Variants in ADAMTS12 observed in about 807,000 individuals in gnomAD.
ADAMTS12 encodes ADAM metallopeptidase with thrombospondin type 1 motif 12.
A neutral mutation model predicts 167.8 loss-of-function variants in ADAMTS12; 118 were observed. The observed-to-expected ratio is 0.70, with a 90% CI of 0.61 to 0.82. The LOEUF is 0.82. Among genes scored for constraint, ADAMTS12 ranks in the 40% least tolerant of loss-of-function variants. The pLI is 0.00. For synonymous variants in ADAMTS12, 704 were observed against 716.9 expected (o/e 0.98, Z 0.29); for missense variants, 1,916 against 1,998.8 (o/e 0.96, Z 0.79).
rs138812236 is a variant in ADAMTS12, at chr5:33,776,859, C to T, written c.490-25311G>A. 6.0e-3 allele frequency among the ~76,000 whole-genome samples: 914 copies of T among 151,856 alleles called. 8 individuals carry two copies. Among genetic ancestry groups the T allele is most frequent in the African/African-American group, 0.021 (882 of 41,436 alleles). On this transcript the variant is annotated intron_variant, in intron 2 of 23. Coordinates refer to ENST00000504830, the MANE Select transcript of ADAMTS12 (RefSeq NM_030955.4). ...AAAGAGGAGCCATTTCAGTTGATAC[C>T]ACATAAAACAAAGGGTCATAACAGA...
At position 33,576,193 on chromosome 5, in the gene ADAMTS12, G is replaced by C. The variant is rs763382391; in HGVS notation, c.3833C>G (p.Thr1278Arg). Residue 1278 changes from threonine to arginine, a missense_variant, in exon 19 of 24, where the codon ACA (threonine) becomes AGA (arginine). Transcript: ENST00000504830. ...AGTCAGGACTGGTTCAGAACTTTTT[G>C]TTTGGTTCATGTTGTTTGGAAGTTT... ...HLKLPNNMNQ[T>R]KSSEPVLTEE... 10 of 1,614,040 alleles carry C rather than the reference G, an allele frequency of 6.2e-6. No individual in the cohort carries two copies.
At chr5:33,570,688 C>T (rs1347404470) in intron 19 of ADAMTS12, among the ~76,000 whole-genome samples, 2 of 151,854 alleles carry the variant, frequency 1.3e-5, no homozygotes, top group African/African-American at 2.4e-5. Context: ...ACTGCATCAA[C>T]TAACAAGCAA....
At chr5:33,667,650 C>T (rs1741521301) in intron 5 of ADAMTS12, among the ~76,000 whole-genome samples, 1 of 152,174 alleles carries the variant, frequency 6.6e-6, no homozygotes, top group Non-Finnish European at 1.5e-5. Context: ...TTATGAATGA[C>T]AGCACTCATT....
chr5:33,624,360 AAG>A lies in ADAMTS12; in HGVS notation c.2023-11_2023-10del. ...TAGTCACAGCCAACCATCTGTGGGG[AAG>A]AGAGGTGGAGGATGAATGCCCAGGC... On this transcript the variant is annotated splice_polypyrimidine_tract_variant and intron_variant, in intron 13 of 23. Coordinates refer to ENST00000504830, the MANE Select transcript of ADAMTS12 (RefSeq NM_030955.4). 3 of 1,613,704 alleles carry A rather than the reference AAG, an allele frequency of 1.9e-6. No homozygotes were observed. The highest frequency in any genetic ancestry group is 2.5e-6 in the Non-Finnish European group (3 of 1,179,802).
chr5:33,609,120 G>C (rs540730354), intron 16 of ADAMTS12, among the ~76,000 whole-genome samples: 1 of 152,254 alleles, frequency 6.6e-6, no homozygotes, highest in Non-Finnish European at 1.5e-5. Flanking sequence ...AGGAGGGGTT[G>C]TCATATTAAA....
intron 2 of ADAMTS12, among the ~76,000 whole-genome samples, chr5:33,785,200 G>A (rs1035575986): frequency 6.6e-6 from 1 of 151,720 alleles, no homozygotes; most frequent in East Asian, 1.9e-4. Context: ...TAAATATAAG[G>A]GCTGAAACTA....
chr5:33,557,784 C>T (rs1198171064), intron 20 of ADAMTS12, among the ~76,000 whole-genome samples: 3 of 152,150 alleles, frequency 2.0e-5, no homozygotes, highest in Non-Finnish European at 4.4e-5. Flanking sequence ...AGGTGAGCAT[C>T]GGGCGAGCAA....
At chr5:33,745,469 A>G (rs930486528) in intron 3 of ADAMTS12, among the ~76,000 whole-genome samples, 1 of 152,152 alleles carries the variant, frequency 6.6e-6, no homozygotes, top group African/African-American at 2.4e-5. Flanking sequence ...ATTGTTCCAA[A>G]GGCACCCTCC....
chr5:33,847,036 C>T (rs1444826699), intron 2 of ADAMTS12, among the ~76,000 whole-genome samples: 1 of 152,204 alleles, frequency 6.6e-6, no homozygotes, highest in East Asian at 1.9e-4. Context: ...CCAGCTGCCT[C>T]TGATCAAGTT....
chr5:33,837,711 C>T (rs1323687064), intron 2 of ADAMTS12, among the ~76,000 whole-genome samples: 2 of 152,178 alleles, frequency 1.3e-5, no homozygotes, highest in East Asian at 3.8e-4. Context: ...TGGAATATGA[C>T]AGTAACAAAA....
chr5:33,630,841 T>A lies in ADAMTS12; in HGVS notation c.1961A>T (p.Asp654Val), dbSNP rs1169807486. ...GCCGCCTTCAAAGCAAGGGGTACCA[T>A]CAATGACAGCATCCAGCATTTTCTC... Reference protein sequence around the residue: ...FSEKMLDAVIDGTPCFEGGNS... With the variant: ...FSEKMLDAVIVGTPCFEGGNS... The change falls in exon 13 of 24, where the codon GAT becomes GTT. Residue 654 changes from aspartate (D) to valine (V), a missense_variant. Coordinates refer to ENST00000504830, the MANE Select transcript of ADAMTS12 (RefSeq NM_030955.4). 1 of 1,613,746 alleles carries A rather than the reference T, an allele frequency of 6.2e-7. No individual in the cohort carries two copies. Among genetic ancestry groups the A allele is most frequent in the Non-Finnish European group, 8.5e-7 (1 of 1,179,740 alleles).
rs145507689 is a variant in ADAMTS12 at position 33,538,971 on chromosome 5, T to C, written c.4447-3979A>G. ...TATTTTCTTTTTCTGAGATGGAGTC[T>C]TGCTCTGTCACCCAGGCTGGAGTGC... On this transcript the variant is annotated intron_variant, in intron 22 of 23. Coordinates refer to ENST00000504830, the MANE Select transcript of ADAMTS12 (RefSeq NM_030955.4). Among the ~76,000 whole-genome samples, 1,157 of 152,286 alleles carry C rather than the reference T, an allele frequency of 7.6e-3. 21 individuals are homozygous for C. The highest frequency in any genetic ancestry group is 0.026 in the African/African-American group (1,089 of 41,556).
chr5:33,891,668 A>C (rs1327284652), intron 1 of ADAMTS12, 62 bp downstream of exon 1: 24 of 1,606,414 alleles, frequency 1.5e-5, no homozygotes, highest in Non-Finnish European at 1.8e-5. Context: ...AAAGGGGAGC[A>C]ACAAAATTCC....
chr5:33,823,494 T>C (rs570894116), intron 2 of ADAMTS12, among the ~76,000 whole-genome samples: 6 of 152,266 alleles, frequency 3.9e-5, no homozygotes, highest in African/African-American at 1.4e-4. Flanking sequence ...TAATGATCAA[T>C]GGTGACTACC....
intron 16 of ADAMTS12, among the ~76,000 whole-genome samples, chr5:33,609,060 T>G (rs193069705): frequency 6.6e-6 from 1 of 152,304 alleles, no homozygotes; most frequent in Non-Finnish European, 1.5e-5. Context: ...TTCTCAGCAA[T>G]TTCTTTAAAA....
At position 33,714,259 on chromosome 5, in the gene ADAMTS12, A is replaced by AAC. The variant is rs568166474; in HGVS notation, c.635-30206_635-30205dup. ...CCCAGTTAGGAAGGCTATTGTCAAA[A>AAC]ACACACACACACACAAAATGCTGGC... On this transcript the variant is annotated intron_variant, in intron 3 of 23. Transcript: ENST00000504830. Among the ~76,000 whole-genome samples, 618 of 151,974 alleles carry AAC rather than the reference A, an allele frequency of 4.1e-3. 2 individuals are homozygous for AAC. The highest frequency in any genetic ancestry group is 4.4e-3 in the Admixed American group (67 of 15,234).
intron 19 of ADAMTS12, among the ~76,000 whole-genome samples, chr5:33,573,561 C>T (rs1183122): frequency 0.53 from 80,831 of 151,920 alleles, 21,890 homozygotes; most frequent in South Asian, 0.59. Context: ...AGCTGAAACT[C>T]GATCCCTTCC....
intron 2 of ADAMTS12, among the ~76,000 whole-genome samples, chr5:33,821,420 T>G (rs531076520): frequency 2.5e-4 from 38 of 152,320 alleles, no homozygotes; most frequent in African/African-American, 8.9e-4. Context: ...ATTTATGTAT[T>G]TCGTTATTAT....
Position 33,607,712 on chromosome 5 carries a change from G to C in ADAMTS12, c.2527+6526C>G, listed in dbSNP as rs909960860. ...TGAGCAGTGTTTTGTGGTTCTCCTT[G>C]TAGAGATCTTTCACCTCCCTAGTTA... On this transcript the variant is annotated intron_variant, in intron 16 of 23. Coordinates refer to ENST00000504830, the MANE Select transcript of ADAMTS12 (RefSeq NM_030955.4). Among the ~76,000 whole-genome samples the C allele has an allele frequency of 2.3e-3, 349 of 152,160 alleles. 2 individuals carry two copies. Among genetic ancestry groups the C allele is most frequent in the African/African-American group, 8.0e-3 (333 of 41,500 alleles).
Sources: allele counts gnomAD v4.1 joint callset (sites outside exome capture counted in the v4.1 genomes callset), GRCh38; gene constraint gnomAD v4.1.1; transcripts MANE v1.5; gene names NCBI Gene and HGNC (gene_info 2026-07-23, HGNC 2026-07-21).